FOXP1: variants seen among roughly 807,000 people sequenced by gnomAD.
FOXP1 encodes forkhead box P1, also known as forkhead box protein P1.
Under a neutral mutation model 98.2 loss-of-function variants are expected in FOXP1, and 15 were observed. That is an observed-to-expected ratio of 0.15 (90% CI 0.10 to 0.24). FOXP1 has a LOEUF of 0.24. FOXP1 is among the 10% of genes least tolerant of loss of function. The pLI, the probability that FOXP1 is intolerant of heterozygous loss-of-function variation, is 1.00. For synonymous variants in FOXP1, 371 were observed against 314.5 expected, an observed-to-expected ratio of 1.18 and a Z score of -1.90; for missense variants, 633 against 848.5, an observed-to-expected ratio of 0.75 and a Z score of 3.15.
chr3:71,344,404 G>C (rs1421799269), intron 4 of FOXP1, among the ~76,000 whole-genome samples: 2 of 152,142 alleles, frequency 1.3e-5, no homozygotes, highest in African/African-American at 4.8e-5. Context: ...AGTGTCTGCT[G>C]TTTCTATCAA....
intron 3 of FOXP1, among the ~76,000 whole-genome samples, chr3:71,395,625 G>T (rs1291261458): frequency 2.0e-5 from 3 of 151,824 alleles, no homozygotes; most frequent in Non-Finnish European, 4.4e-5. Context: ...TTTGTTGTTT[G>T]TTTAGTATCT....
At chr3:71,532,854 A>G (rs951033551) in intron 2 of FOXP1, among the ~76,000 whole-genome samples, 2 of 152,290 alleles carry the variant, frequency 1.3e-5, no homozygotes, top group African/African-American at 4.8e-5. Context: ...ATAACTTCAT[A>G]ATTTGTTTTT....
chr3:71,048,855 A>G (rs1377181582), intron 9 of FOXP1, among the ~76,000 whole-genome samples: 1 of 152,112 alleles, frequency 6.6e-6, no homozygotes, highest in Non-Finnish European at 1.5e-5. Flanking sequence ...CTTACTGTAA[A>G]TGAAATGTTT....
intron 6 of FOXP1, 130 bp from the exon 7 acceptor site, chr3:71,112,767 C>T: frequency 1.4e-6 from 1 of 702,604 alleles, no homozygotes; most frequent in Middle Eastern, 2.4e-4. Context: ...AATGAAACAG[C>T]AAATGAAACT....
intron 2 of FOXP1, among the ~76,000 whole-genome samples, chr3:71,505,349 G>A (rs1433887408): frequency 6.6e-6 from 1 of 151,690 alleles, no homozygotes; most frequent in Non-Finnish European, 1.5e-5. Context: ...AGGAGACAAG[G>A]AGGGAGTTTA....
intron 6 of FOXP1, among the ~76,000 whole-genome samples, chr3:71,115,027 T>A (rs17653411): frequency 5.7e-4 from 87 of 152,152 alleles, no homozygotes; most frequent in African/African-American, 1.9e-3. Flanking sequence ...GTTTTATGGC[T>A]TTTTAATGTA....
At chr3:71,472,125 T>C (rs528278119) in intron 3 of FOXP1, among the ~76,000 whole-genome samples, 4 of 152,340 alleles carry the variant, frequency 2.6e-5, no homozygotes, top group African/African-American at 9.6e-5. Context: ...TTTAGGGTCA[T>C]ATTTTTGTTG....
At chr3:71,304,298 G>A (rs562534042) in intron 4 of FOXP1, among the ~76,000 whole-genome samples, 41 of 152,254 alleles carry the variant, frequency 2.7e-4, no homozygotes, top group African/African-American at 8.7e-4. Context: ...AACCCTGGCC[G>A]TGGTCATGTG....
chr3:71,075,853 C>T (rs2053754081), intron 7 of FOXP1, among the ~76,000 whole-genome samples: 1 of 152,020 alleles, frequency 6.6e-6, no homozygotes, highest in African/African-American at 2.4e-5. Flanking sequence ...TAGCTGGGAC[C>T]ACAGGTATGA....
At chr3:71,285,168 A>C (rs1350713124) in intron 5 of FOXP1, among the ~76,000 whole-genome samples, 1 of 152,192 alleles carries the variant, frequency 6.6e-6, no homozygotes, top group Non-Finnish European at 1.5e-5. Flanking sequence ...GAAAACACGC[A>C]GTTCGAATCA....
chr3:71,116,759 T>C (rs1440918997), intron 6 of FOXP1, among the ~76,000 whole-genome samples: 7 of 152,270 alleles, frequency 4.6e-5, no homozygotes, highest in Non-Finnish European at 8.8e-5. Flanking sequence ...CCATGATCTA[T>C]AAATCACTGT....
In FOXP1 at chr3:71,174,152, G is replaced by A. The variant is rs374865493; in HGVS notation, c.180+24050C>T. Among the ~76,000 whole-genome samples the A allele has an allele frequency of 8.5e-4, 129 of 152,242 alleles. 3 individuals carry two copies. In the South Asian group the frequency reaches 0.027, roughly 32 times the overall value. ...TCATATGGAGTATTTGTGACAGAAA[G>A]AACAGCCTCCAAAGCCAAAAACAAT... On this transcript the variant is annotated intron_variant, in intron 6 of 20. Transcript: ENST00000649528.
At chr3:71,162,981 CAGAA>C (rs1576132414) in intron 6 of FOXP1, among the ~76,000 whole-genome samples, 1 of 152,234 alleles carries the variant, frequency 6.6e-6, no homozygotes, top group East Asian at 1.9e-4. Flanking sequence ...ATCAATGCAA[CAGAA>C]AGAAACTGAA....
chr3:71,235,753 A>T (rs937877029), intron 5 of FOXP1, among the ~76,000 whole-genome samples: 10 of 152,062 alleles, frequency 6.6e-5, no homozygotes, highest in Admixed American at 6.5e-4. Context: ...TTTTTAGTAG[A>T]GATGGGGTTT....
intron 3 of FOXP1, among the ~76,000 whole-genome samples, chr3:71,369,119 G>T (rs1482857947): frequency 1.3e-5 from 2 of 152,036 alleles, no homozygotes; most frequent in Non-Finnish European, 2.9e-5. Context: ...GCTGGGCACG[G>T]TGGCTCACGC....
chr3:71,207,838 T>A (rs2064162083), intron 5 of FOXP1, among the ~76,000 whole-genome samples: 1 of 152,162 alleles, frequency 6.6e-6, no homozygotes, highest in African/African-American at 2.4e-5. Context: ...CTAAGGTGGC[T>A]CCCAGTGTCC....
chr3:71,285,157 A>G (rs1167305909), intron 5 of FOXP1, among the ~76,000 whole-genome samples: 8 of 152,330 alleles, frequency 5.3e-5, no homozygotes, highest in Admixed American at 2.0e-4. Flanking sequence ...ACAAGACCTC[A>G]GAAAACACGC....
chr3:71,232,249 G>C (rs562805831), intron 5 of FOXP1, among the ~76,000 whole-genome samples: 39 of 152,218 alleles, frequency 2.6e-4, no homozygotes, highest in Admixed American at 5.2e-4. Context: ...TTAGAGAAGG[G>C]AGGGGAAATA....
chr3:70,972,678 T>C lies in FOXP1; in HGVS notation c.1531-2A>G. 6.2e-7 allele frequency: 1 copy of C among 1,614,116 alleles called. No homozygotes were observed. On this transcript the variant is annotated splice_acceptor_variant, in intron 17 of 20. Transcript: ENST00000649528. LOFTEE classifies it high-confidence loss of function. ...ACTAAGATTATGACGCACTGCATTC[T>C]GCAGCAAGTATAAAAGAGAGAACAT...
Sources: allele counts gnomAD v4.1 joint callset (sites outside exome capture counted in the v4.1 genomes callset), GRCh38; gene constraint gnomAD v4.1.1; transcripts MANE v1.5; gene names NCBI Gene and HGNC (gene_info 2026-07-23, HGNC 2026-07-21).